Variants in ROBO1 observed in about 807,000 individuals in gnomAD.
ROBO1 encodes roundabout homolog 1.
Under a neutral mutation model 195.9 loss-of-function variants are expected in ROBO1, and 149 were observed. The observed-to-expected ratio is 0.76, with a 90% CI of 0.67 to 0.87. ROBO1 has a LOEUF of 0.87. Among genes scored for constraint, ROBO1 ranks in the 40% least tolerant of loss-of-function variants. The pLI is 0.00. For synonymous variants in ROBO1, 816 were observed against 733.2 expected (o/e 1.11, Z -1.82); for missense variants, 1,933 against 2,068.3 (o/e 0.93, Z 1.27).
intron 4 of ROBO1, among the ~76,000 whole-genome samples, chr3:78,857,871 G>T (rs901961949): frequency 3.9e-5 from 6 of 152,166 alleles, no homozygotes; most frequent in Non-Finnish European, 8.8e-5. Flanking sequence ...TCTGAAATCA[G>T]TATTACTTTC....
chr3:79,362,507 T>C (rs2035808844), intron 2 of ROBO1, among the ~76,000 whole-genome samples: 1 of 152,192 alleles, frequency 6.6e-6, no homozygotes, highest in South Asian at 2.1e-4. Flanking sequence ...AATACAAGAT[T>C]GAAAAGTATC....
chr3:79,004,726 G>A (rs1489119363), intron 3 of ROBO1, among the ~76,000 whole-genome samples: 1 of 152,150 alleles, frequency 6.6e-6, no homozygotes, highest in African/African-American at 2.4e-5. Flanking sequence ...AGAAAAGCCA[G>A]AGGAGTAAGA....
intron 4 of ROBO1, among the ~76,000 whole-genome samples, chr3:78,838,664 C>A (rs1370051356): frequency 6.6e-6 from 1 of 152,140 alleles, no homozygotes; most frequent in Non-Finnish European, 1.5e-5. Flanking sequence ...TCACTTACCC[C>A]TGAGAAAGTT....
intron 1 of ROBO1, among the ~76,000 whole-genome samples, chr3:79,599,231 G>A (rs2107857091): frequency 6.6e-6 from 1 of 152,040 alleles, no homozygotes; most frequent in Non-Finnish European, 1.5e-5. Flanking sequence ...ACTAGATGAA[G>A]CCTGAAAAGA....
chr3:79,022,600 A>G (rs1329863396), intron 3 of ROBO1, among the ~76,000 whole-genome samples: 7 of 152,196 alleles, frequency 4.6e-5, no homozygotes, highest in Non-Finnish European at 2.9e-5. Context: ...CTCACATCAG[A>G]TCTTCAGGGA....
intron 18 of ROBO1, among the ~76,000 whole-genome samples, chr3:78,654,612 G>T (rs534447258): frequency 6.6e-6 from 1 of 152,080 alleles, no homozygotes; most frequent in Non-Finnish European, 1.5e-5. Context: ...CAACCAGATG[G>T]ACTTAACAGA....
At position 79,432,501 on chromosome 3, in the gene ROBO1, C is replaced by T. The variant is rs367645751; in HGVS notation, c.88+157323G>A. 2.1e-3 allele frequency among the ~76,000 whole-genome samples: 327 copies of T among 152,148 alleles called. 1 individual carries two copies. Among genetic ancestry groups the T allele is most frequent in the African/African-American group, 7.5e-3 (310 of 41,512 alleles). ...AAATAATATATCACATCCTTAGAGTCCTAATCATGAGGCATTTAAAAATAT... is the reference window on the plus strand; with the variant it reads ...AAATAATATATCACATCCTTAGAGTTCTAATCATGAGGCATTTAAAAATAT... On this transcript the variant is annotated intron_variant, in intron 2 of 30. Transcript: ENST00000464233.
intron 3 of ROBO1, among the ~76,000 whole-genome samples, chr3:79,095,413 C>G (rs1302216071): frequency 6.6e-6 from 1 of 152,054 alleles, no homozygotes; most frequent in African/African-American, 2.4e-5. Context: ...GGTACTCCTG[C>G]AGTCCTATGG....
At chr3:79,156,135 G>A (rs2080854165) in intron 2 of ROBO1, among the ~76,000 whole-genome samples, 1 of 151,548 alleles carries the variant, frequency 6.6e-6, no homozygotes, top group Admixed American at 6.6e-5. Context: ...TTCTGTCCCT[G>A]ATGGAATTCC....
rs555546141 is a variant in ROBO1 at position 79,072,647 on chromosome 3, A to C, written c.172+52809T>G. ...GATTTGGAACATTCTTCGCCACTCA[A>C]TATTGACAATTATTATTGGCTTAAG... On this transcript the variant is annotated intron_variant, in intron 3 of 30. Coordinates refer to ENST00000464233, the MANE Select transcript of ROBO1 (RefSeq NM_002941.4). Among the ~76,000 whole-genome samples the C allele has an allele frequency of 1.2e-4, 19 of 152,080 alleles. No individual in the cohort carries two copies. In the East Asian group the frequency reaches 2.5e-3, roughly 20 times the overall value.
intron 2 of ROBO1, among the ~76,000 whole-genome samples, chr3:79,251,502 C>T (rs748992380): frequency 1.3e-5 from 2 of 152,154 alleles, no homozygotes; most frequent in Non-Finnish European, 2.9e-5. Flanking sequence ...CCTGTAATCC[C>T]AGCACTTTGG....
intron 2 of ROBO1, among the ~76,000 whole-genome samples, chr3:79,291,326 C>A (rs2032233695): frequency 6.6e-6 from 1 of 152,120 alleles, no homozygotes; most frequent in Non-Finnish European, 1.5e-5. Flanking sequence ...ACAATATAAC[C>A]AATGCAGTCT....
At chr3:79,738,284 C>A (rs778280363) in intron 1 of ROBO1, among the ~76,000 whole-genome samples, 2 of 151,972 alleles carry the variant, frequency 1.3e-5, no homozygotes, top group Non-Finnish European at 2.9e-5. Flanking sequence ...AAGACTCTCC[C>A]GAAAGGCATT....
intron 2 of ROBO1, among the ~76,000 whole-genome samples, chr3:79,147,685 C>T (rs2080681044): frequency 6.6e-6 from 1 of 151,954 alleles, no homozygotes; most frequent in African/African-American, 2.4e-5. Context: ...TTATTATACA[C>T]AGTGGGTGAG....
At chr3:78,788,440 TAA>T (rs35773751) in intron 4 of ROBO1, among the ~76,000 whole-genome samples, 137 of 75,750 alleles carry the variant, frequency 1.8e-3, no homozygotes, top group African/African-American at 6.1e-3. Context: ...TTTTTTTTTT[TAA>T]AAAAAAAAAA....
In ROBO1 at chr3:79,052,605, G is replaced by A. The variant is rs191048274; in HGVS notation, c.172+72851C>T. Among the ~76,000 whole-genome samples, 142 of 152,112 alleles carry A rather than the reference G, an allele frequency of 9.3e-4. 1 individual carries two copies. Among genetic ancestry groups the A allele is most frequent in the Non-Finnish European group, 6.6e-4 (45 of 67,990 alleles). On this transcript the variant is annotated intron_variant, in intron 3 of 30. Coordinates refer to ENST00000464233, the MANE Select transcript of ROBO1 (RefSeq NM_002941.4). ...CTCAGGGGGAATCACAGAACCTGCC[G>A]ACATGTGATGTCACCCCCAGAGACC...
chr3:78,862,359 C>A (rs946433794), intron 4 of ROBO1, among the ~76,000 whole-genome samples: 2 of 152,152 alleles, frequency 1.3e-5, no homozygotes, highest in African/African-American at 4.8e-5. Context: ...GAACTGCCAA[C>A]AAGTTGAATG....
intron 2 of ROBO1, among the ~76,000 whole-genome samples, chr3:79,369,331 G>A (rs551521053): frequency 2.1e-4 from 32 of 152,252 alleles, no homozygotes; most frequent in Non-Finnish European, 4.0e-4. Flanking sequence ...GGCACAACTC[G>A]AATAAGTTCC....
chr3:79,730,750 G>A (rs1233411024), intron 1 of ROBO1, among the ~76,000 whole-genome samples: 2 of 137,912 alleles, frequency 1.5e-5, no homozygotes, highest in East Asian at 2.1e-4. Flanking sequence ...CTGTGAAAAT[G>A]TCTGTTTCCT....
Sources: allele counts gnomAD v4.1 joint callset (sites outside exome capture counted in the v4.1 genomes callset), GRCh38; gene constraint gnomAD v4.1.1; transcripts MANE v1.5; gene names NCBI Gene and HGNC (gene_info 2026-07-23, HGNC 2026-07-21).